ADAMTS9: variants seen among roughly 807,000 people sequenced by gnomAD.
ADAMTS9 encodes ADAM metallopeptidase with thrombospondin type 1 motif 9.
In ADAMTS9, 107 loss-of-function variants were observed where a neutral mutation model predicts 257.1. The ratio of observed to expected loss-of-function variants is 0.42; its 90% confidence interval spans 0.36 to 0.49. The LOEUF (loss-of-function observed/expected upper bound fraction) is 0.49. Among genes scored for constraint, ADAMTS9 ranks in the 20% least tolerant of loss-of-function variants. The probability of loss-of-function intolerance (pLI) is 0.03; values close to 1 mark genes in which losing one functional copy is unlikely to be tolerated. For missense variants in ADAMTS9, 2,353 were observed against 2,469.1 expected, an observed-to-expected ratio of 0.95 and a Z score of 1.00; for synonymous variants, 982 against 880.9, an observed-to-expected ratio of 1.11 and a Z score of -2.03.
intron 8 of ADAMTS9, 68 bp downstream of exon 8, chr3:64,654,285 C>T: frequency 2.1e-6 from 3 of 1,451,362 alleles, no homozygotes; most frequent in South Asian, 2.5e-5. Flanking sequence ...AGTAAATGCT[C>T]ACTGATGCGA....
At chr3:64,638,993 A>AG (rs995641477) in intron 12 of ADAMTS9, among the ~76,000 whole-genome samples, 31 of 152,148 alleles carry the variant, frequency 2.0e-4, no homozygotes, top group African/African-American at 6.5e-4. Flanking sequence ...ATTCCCAGTG[A>AG]GGGGGGCAGC....
At chr3:64,604,440 G>C in intron 23 of ADAMTS9, 109 bp from the exon 24 acceptor site, 1 of 775,496 alleles carries the variant, frequency 1.3e-6, no homozygotes, top group East Asian at 2.7e-5. Context: ...TAAGGCTTCA[G>C]ATTTCTGTGT....
intron 28 of ADAMTS9, among the ~76,000 whole-genome samples, chr3:64,569,848 T>C (rs778443751): frequency 2.6e-5 from 4 of 152,162 alleles, no homozygotes; most frequent in Non-Finnish European, 4.4e-5. Flanking sequence ...ATTCTGAAAA[T>C]CTTAATGGAG....
rs747451927 is a variant in ADAMTS9 at position 64,633,792 on chromosome 3, G to T, written c.1944C>A (p.Asp648Glu). 1 of 1,613,432 alleles carries T rather than the reference G, an allele frequency of 6.2e-7. No individual in the cohort carries two copies. Among genetic ancestry groups the T allele is most frequent in the Non-Finnish European group, 8.5e-7 (1 of 1,179,924 alleles). The change falls in exon 13 of 40, where the codon GAC becomes GAA. Residue 648 changes from aspartate (D) to glutamate (E), a missense_variant. Physicochemically the swap from Asp to Glu is conservative, Grantham distance 45. This residue lies in a region of ADAMTS9 where 360 missense variants were observed against 458.1 expected (regional missense o/e 0.79). Coordinates refer to ENST00000498707, the MANE Select transcript of ADAMTS9 (RefSeq NM_182920.2). ...NTEPCLKQKR[D>E]FRDEQCAHFD... Reference sequence around the variant, plus strand: ...AGTGAGCACACTGTTCATCTCGGAAGTCTCGCTTCTGCTTGAGACATGGCT... The same window carrying T: ...AGTGAGCACACTGTTCATCTCGGAATTCTCGCTTCTGCTTGAGACATGGCT...
At chr3:64,583,937 A>G (rs2084075567) in intron 28 of ADAMTS9, 1 of 152,218 alleles carries the variant, frequency 6.6e-6, no homozygotes, top group South Asian at 2.1e-4. Flanking sequence ...GATCCCAATT[A>G]CAATGAACAA....
At chr3:64,654,536 G>A (rs59517147) in intron 7 of ADAMTS9, 36 bp downstream of exon 7, 27 of 1,613,186 alleles carry the variant, frequency 1.7e-5, no homozygotes, top group Admixed American at 5.0e-5. Context: ...GTAGTAAAAC[G>A]GTTTTAGCCA....
chr3:64,678,231 A>C (rs1701670895), intron 3 of ADAMTS9, among the ~76,000 whole-genome samples: 1 of 152,200 alleles, frequency 6.6e-6, no homozygotes, highest in Non-Finnish European at 1.5e-5. Context: ...CAGTTTCCTT[A>C]TCTGCACAGA....
At chr3:64,522,116 GA>G in intron 39 of ADAMTS9, 49 bp downstream of exon 39, 1 of 1,558,250 alleles carries the variant, frequency 6.4e-7, no homozygotes, top group Non-Finnish European at 8.8e-7. Context: ...ATAGGCTACA[GA>G]AAAAAATAAA....
intron 23 of ADAMTS9, 30 bp from the exon 24 acceptor site, chr3:64,604,361 G>C (rs750536071): frequency 6.0e-6 from 9 of 1,492,680 alleles, no homozygotes; most frequent in Non-Finnish European, 7.3e-6. Context: ...AAAAAACAAA[G>C]TCACTTTCAA....
chr3:64,641,481 C>T (rs1331933084), intron 12 of ADAMTS9, among the ~76,000 whole-genome samples: 5 of 119,230 alleles, frequency 4.2e-5, no homozygotes, highest in African/African-American at 1.6e-4. Context: ...GCCCCCCACC[C>T]CACAACAGTC....
intron 18 of ADAMTS9, 25 bp downstream of exon 18, chr3:64,622,173 C>T (rs1447273748): frequency 6.3e-7 from 1 of 1,581,126 alleles, no homozygotes; most frequent in South Asian, 1.2e-5. Context: ...CTCAAATCCC[C>T]AGAACTCAAA....
intron 26 of ADAMTS9, among the ~76,000 whole-genome samples, chr3:64,600,268 A>C (rs2084435285): frequency 6.6e-6 from 1 of 152,082 alleles, no homozygotes; most frequent in Admixed American, 6.5e-5. Context: ...TGCAAAGATG[A>C]CGTACATCCT....
At chr3:64,523,881 A>T (rs1211561380) in intron 38 of ADAMTS9, among the ~76,000 whole-genome samples, 2 of 152,180 alleles carry the variant, frequency 1.3e-5, no homozygotes, top group African/African-American at 2.4e-5. Flanking sequence ...TTTGAACTAC[A>T]ACTGCTCTCA....
Position 64,611,733 on chromosome 3 carries a change from G to A in ADAMTS9, c.3354+1612C>T, listed in dbSNP as rs904316457. On this transcript the variant is annotated intron_variant, in intron 22 of 39. Transcript: ENST00000498707. ...ATCTGACAGGAGGTGGAGCTCAGGC[G>A]GTAATGCTTATCCACCACTCAACTG... is the stretch of plus-strand genomic sequence containing the variant. 5.9e-4 allele frequency among the ~76,000 whole-genome samples: 90 copies of A among 152,146 alleles called. 1 individual carries two copies. Among genetic ancestry groups the A allele is most frequent in the African/African-American group, 1.7e-3 (70 of 41,434 alleles).
At chr3:64,579,799 T>C (rs1448533396) in intron 28 of ADAMTS9, among the ~76,000 whole-genome samples, 3 of 152,230 alleles carry the variant, frequency 2.0e-5, no homozygotes, top group Non-Finnish European at 4.4e-5. Flanking sequence ...TGCTGTCTCC[T>C]GTCTCTTATA....
intron 13 of ADAMTS9, 28 bp from the exon 14 acceptor site, chr3:64,633,636 C>T (rs777362942): frequency 1.2e-6 from 2 of 1,614,030 alleles, no homozygotes; most frequent in East Asian, 2.2e-5. Context: ...TACAACTTGA[C>T]TTTTGTGCCT....
At chr3:64,680,751 G>A (rs1197120000) in intron 3 of ADAMTS9, among the ~76,000 whole-genome samples, 11 of 152,128 alleles carry the variant, frequency 7.2e-5, no homozygotes, top group East Asian at 3.9e-4. Flanking sequence ...ATATGTTTTC[G>A]TGGCTTCCAT....
chr3:64,541,469 C>A (rs185782585), intron 34 of ADAMTS9, 55 bp from the exon 35 acceptor site: 1 of 1,603,792 alleles, frequency 6.2e-7, no homozygotes, highest in Non-Finnish European at 8.5e-7. Flanking sequence ...GTAATGAGAG[C>A]GGTGATCACT....
At chr3:64,656,361 T>A (rs993894175) in intron 4 of ADAMTS9, among the ~76,000 whole-genome samples, 12 of 152,198 alleles carry the variant, frequency 7.9e-5, no homozygotes, top group African/African-American at 2.9e-4. Flanking sequence ...AAATGCTTAT[T>A]GTGAGCTGGC....
Sources: allele counts gnomAD v4.1 joint callset (sites outside exome capture counted in the v4.1 genomes callset), GRCh38; gene constraint gnomAD v4.1.1; regional missense constraint gnomAD v4.1.1; transcripts MANE v1.5; gene names NCBI Gene and HGNC (gene_info 2026-07-23, HGNC 2026-07-21).